SYT9: variants seen among roughly 807,000 people sequenced by gnomAD.
SYT9 encodes synaptotagmin-9.
SYT9 carries 22 observed loss-of-function variants against 48.4 expected under a neutral mutation model. That is an observed-to-expected ratio of 0.45 (90% CI 0.32 to 0.65). The LOEUF (loss-of-function observed/expected upper bound fraction) is 0.65, where lower values mean the gene tolerates loss of function less well. Among genes scored for constraint, SYT9 ranks in the 30% least tolerant of loss-of-function variants. The pLI, the probability that SYT9 is intolerant of heterozygous loss-of-function variation, is 0.03. For missense variants in SYT9, 577 were observed against 622.0 expected, an observed-to-expected ratio of 0.93 and a Z score of 0.77; for synonymous variants, 265 against 245.0, an observed-to-expected ratio of 1.08 and a Z score of -0.76.
chr11:7,310,297 C>A (rs1161583665), intron 2 of SYT9, among the ~76,000 whole-genome samples: 1 of 151,744 alleles, frequency 6.6e-6, no homozygotes, highest in African/African-American at 2.4e-5. Flanking sequence ...CTATGCCTGG[C>A]TAATTTTTGT....
intron 6 of SYT9, among the ~76,000 whole-genome samples, chr11:7,430,020 C>T (rs1847537081): frequency 6.6e-6 from 1 of 152,170 alleles, no homozygotes; most frequent in African/African-American, 2.4e-5. Flanking sequence ...GAAGATCAGT[C>T]ACATAGCTGT....
intron 2 of SYT9, 71 bp downstream of exon 2, chr11:7,303,461 C>A: frequency 7.6e-7 from 1 of 1,317,726 alleles, no homozygotes; most frequent in Non-Finnish European, 1.0e-6. Flanking sequence ...AACAATAGCA[C>A]TGATAGGTCA....
rs1444705342 is a variant in SYT9, at chr11:7,456,131, T to C, written c.1468-10661T>C. Among the ~76,000 whole-genome samples, 6 of 152,266 alleles carry C rather than the reference T, an allele frequency of 3.9e-5. No individual in the cohort carries two copies. The South Asian group carries it at 1.2e-3, about 32-fold the overall frequency. ...CATTTTTATTTTGTAGTTAGTTGGA[T>C]ACATCTGTCTTCTCTCCTGATGTGA... On this transcript the variant is annotated intron_variant, in intron 6 of 6. Coordinates refer to ENST00000318881, the MANE Select transcript of SYT9 (RefSeq NM_175733.4).
At chr11:7,459,358 G>A (rs1473789234) in intron 6 of SYT9, among the ~76,000 whole-genome samples, 1 of 152,192 alleles carries the variant, frequency 6.6e-6, no homozygotes, top group Non-Finnish European at 1.5e-5. Context: ...GAGGTCCCAG[G>A]ACTAAGAACT....
intron 1 of SYT9, among the ~76,000 whole-genome samples, chr11:7,274,448 C>A (rs929305687): frequency 6.6e-6 from 1 of 151,738 alleles, no homozygotes; most frequent in African/African-American, 2.4e-5. Flanking sequence ...TCCCGAGTAG[C>A]TGGGATTACA....
In SYT9 at chr11:7,252,352, C is replaced by A; in HGVS notation, c.145+21C>A. 1 of 1,443,946 alleles carries A rather than the reference C, an allele frequency of 6.9e-7. No individual in the cohort carries two copies. The highest frequency in any genetic ancestry group is 9.1e-7 in the Non-Finnish European group (1 of 1,097,450). 89.4% of individuals were successfully genotyped at this position (1,443,946 alleles called of 1,614,324 possible). A position where few individuals can be genotyped will look rare whatever the true frequency, so the allele number is the denominator to read the frequency against. On this transcript the variant is annotated intron_variant, in intron 1 of 6. Coordinates refer to ENST00000318881, the MANE Select transcript of SYT9 (RefSeq NM_175733.4). This position sits in a 1 kb window ranked among gnomAD's most constrained non-coding sequence, Gnocchi z 6.3. ...CCCAGGTGAGTGCCGCCACCGCCGC[C>A]TGGAGGGACCTAAGGGCCCTGGGCT...
Position 7,303,154 on chromosome 11 carries a change from G to GCC in SYT9, c.263_264dup (p.Ser89ProfsTer29). On this transcript the variant is annotated frameshift_variant, in exon 2 of 7. Coordinates refer to ENST00000318881, the MANE Select transcript of SYT9 (RefSeq NM_175733.4). LOFTEE classifies it high-confidence loss of function. ...GGGTTCCGTGGCGAGAACGAGGCCT[G>GCC]CCCTCTGGTAGCAAAGACAACAACC... 1 of 1,614,202 alleles carries GCC rather than the reference G, an allele frequency of 6.2e-7. No individual in the cohort carries two copies. The highest frequency in any genetic ancestry group is 8.5e-7 in the Non-Finnish European group (1 of 1,180,030).
intron 3 of SYT9, among the ~76,000 whole-genome samples, chr11:7,384,379 C>G (rs1850618916): frequency 1.3e-5 from 2 of 152,104 alleles, no homozygotes; most frequent in Non-Finnish European, 2.9e-5. Context: ...AGTTCTTGAT[C>G]TCTCCCATAG....
chr11:7,367,443 A>G (rs1850275311), intron 3 of SYT9, among the ~76,000 whole-genome samples: 2 of 151,896 alleles, frequency 1.3e-5, no homozygotes, highest in Admixed American at 6.6e-5. Flanking sequence ...TTATCCTGTT[A>G]TTTAGTGTAG....
At chr11:7,455,508 A>ATT (rs111963518) in intron 6 of SYT9, among the ~76,000 whole-genome samples, 2,368 of 145,168 alleles carry the variant, frequency 0.016, 59 homozygotes, top group African/African-American at 0.053. Context: ...TAATTTTTGT[A>ATT]TTTTTTTTTT....
chr11:7,438,890 GAT>G (rs1317114458), intron 6 of SYT9: 1 of 152,254 alleles, frequency 6.6e-6, no homozygotes, highest in Non-Finnish European at 1.5e-5. Context: ...TTCAGCATTA[GAT>G]ACAGAAGCTT....
chr11:7,313,216 C>G (rs138940729), intron 2 of SYT9, among the ~76,000 whole-genome samples, 179 bp from the exon 3 acceptor site: 12 of 152,200 alleles, frequency 7.9e-5, no homozygotes, highest in Admixed American at 2.6e-4. Flanking sequence ...TCAAGCCTTA[C>G]GGAGCAGCTT....
intron 3 of SYT9, among the ~76,000 whole-genome samples, chr11:7,356,168 C>A (rs1293906367): frequency 6.6e-6 from 1 of 151,984 alleles, no homozygotes; most frequent in Non-Finnish European, 1.5e-5. Flanking sequence ...TAGTTACAGT[C>A]AAAAAACGGT....
At chr11:7,388,013 A>C (rs1459527005) in intron 3 of SYT9, among the ~76,000 whole-genome samples, 1 of 152,138 alleles carries the variant, frequency 6.6e-6, no homozygotes, top group Non-Finnish European at 1.5e-5. Context: ...TATTATGTCT[A>C]AAAACTATGA....
At chr11:7,286,162 A>T (rs187071173) in intron 1 of SYT9, among the ~76,000 whole-genome samples, 1 of 152,240 alleles carries the variant, frequency 6.6e-6, no homozygotes, top group East Asian at 1.9e-4. Flanking sequence ...CTTCCCTAGC[A>T]GAGGTTCTCC....
At chr11:7,396,704 G>C (rs958024285) in intron 3 of SYT9, among the ~76,000 whole-genome samples, 2 of 152,112 alleles carry the variant, frequency 1.3e-5, no homozygotes, top group Non-Finnish European at 2.9e-5. Context: ...GAGATGGTCA[G>C]TTCCTCCACA....
intron 1 of SYT9, among the ~76,000 whole-genome samples, chr11:7,285,382 A>G (rs1194436386): frequency 1.3e-5 from 2 of 152,180 alleles, no homozygotes; most frequent in Non-Finnish European, 2.9e-5. Context: ...TTATAAAACC[A>G]TCAGATCTTC....
At chr11:7,329,666 A>G (rs779819292) in intron 3 of SYT9, among the ~76,000 whole-genome samples, 1 of 152,156 alleles carries the variant, frequency 6.6e-6, no homozygotes, top group Non-Finnish European at 1.5e-5. Flanking sequence ...CCATCCTCAC[A>G]CTCAAGAAAA....
intron 3 of SYT9, among the ~76,000 whole-genome samples, chr11:7,333,973 G>A (rs892586625): frequency 4.6e-5 from 7 of 152,308 alleles, no homozygotes; most frequent in East Asian, 1.9e-4. Context: ...CAGAGGAAAC[G>A]TAGGCAAGCG....
Sources: allele counts gnomAD v4.1 joint callset (sites outside exome capture counted in the v4.1 genomes callset), GRCh38; gene constraint gnomAD v4.1.1; non-coding constraint Gnocchi (gnomAD v3.1); transcripts MANE v1.5; gene names NCBI Gene and HGNC (gene_info 2026-07-23, HGNC 2026-07-21).